FHIT: variants seen among roughly 807,000 people sequenced by gnomAD.
FHIT encodes the protein bis(5'-adenosyl)-triphosphatase.
Under a neutral mutation model 17.9 loss-of-function variants are expected in FHIT, and 19 were observed. The observed-to-expected ratio is 1.06, with a 90% confidence interval of 0.74 to 1.56. FHIT has a LOEUF of 1.56. FHIT is among the 40% of genes most tolerant of loss of function. The probability of loss-of-function intolerance (pLI) is 0.00; values close to 1 mark genes in which losing one functional copy is unlikely to be tolerated. For missense variants in FHIT, 248 were observed against 189.2 expected, an observed-to-expected ratio of 1.31 and a Z score of -1.82; for synonymous variants, 81 against 69.7, an observed-to-expected ratio of 1.16 and a Z score of -0.81.
intron 5 of FHIT, among the ~76,000 whole-genome samples, chr3:60,407,451 T>C (rs1701907830): frequency 6.6e-6 from 1 of 152,194 alleles, no homozygotes; most frequent in Non-Finnish European, 1.5e-5. Context: ...ATGTAACTTC[T>C]GAGTTAAGAA....
At chr3:60,131,459 T>C (rs979666626) in intron 5 of FHIT, among the ~76,000 whole-genome samples, 1 of 152,066 alleles carries the variant, frequency 6.6e-6, no homozygotes, top group African/African-American at 2.4e-5. Context: ...ATTCATATAA[T>C]CTCACACTTT....
intron 4 of FHIT, among the ~76,000 whole-genome samples, chr3:60,544,053 C>T (rs113732931): frequency 0.013 from 2,004 of 151,476 alleles, 42 homozygotes; most frequent in African/African-American, 0.046. Flanking sequence ...CCACCGCGCC[C>T]GGACTTCTCT....
chr3:60,664,177 T>G (rs1417699292), intron 4 of FHIT, among the ~76,000 whole-genome samples: 4 of 152,178 alleles, frequency 2.6e-5, no homozygotes, highest in African/African-American at 9.6e-5. Context: ...TCAGACGCCT[T>G]TTTATATGAT....
chr3:59,958,091 G>T (rs1707491558), intron 7 of FHIT, among the ~76,000 whole-genome samples: 1 of 152,194 alleles, frequency 6.6e-6, no homozygotes, highest in African/African-American at 2.4e-5. Context: ...AGCATAGGTA[G>T]CCATATTATC....
chr3:60,421,651 T>C (rs1054306518), intron 5 of FHIT, among the ~76,000 whole-genome samples: 3 of 152,174 alleles, frequency 2.0e-5, no homozygotes, highest in African/African-American at 7.2e-5. Context: ...AAAGCATTAT[T>C]ATAATAAAAT....
rs574753728 is a variant in FHIT, at chr3:60,131,191, T to C, written c.104-117039A>G. On this transcript the variant is annotated intron_variant, in intron 5 of 9. Coordinates refer to ENST00000492590, the MANE Select transcript of FHIT (RefSeq NM_002012.4). Reference sequence around the variant, plus strand: ...GCTCAATTCCCTGATATGAATGGTATAGTATTTGCATATAACCTTCCCACC... The same window carrying C: ...GCTCAATTCCCTGATATGAATGGTACAGTATTTGCATATAACCTTCCCACC... 1.9e-3 allele frequency among the ~76,000 whole-genome samples: 295 copies of C among 151,644 alleles called. 1 individual carries two copies. The highest frequency in any genetic ancestry group is 3.4e-3 in the Non-Finnish European group (233 of 67,896).
intron 5 of FHIT, among the ~76,000 whole-genome samples, chr3:60,487,502 C>T (rs1378316438): frequency 2.0e-5 from 3 of 152,154 alleles, no homozygotes; most frequent in Non-Finnish European, 4.4e-5. Context: ...GGCTCATCTC[C>T]GAAGTCACAT....
At chr3:60,040,131 CCTT>C (rs1247345074) in intron 5 of FHIT, among the ~76,000 whole-genome samples, 2 of 149,364 alleles carry the variant, frequency 1.3e-5, no homozygotes, top group East Asian at 2.0e-4. Context: ...TGAATAATTT[CCTT>C]CTTTCTTTTT....
intron 3 of FHIT, among the ~76,000 whole-genome samples, chr3:61,016,196 G>A (rs952543807): frequency 2.6e-5 from 4 of 152,154 alleles, no homozygotes; most frequent in African/African-American, 4.8e-5. Flanking sequence ...CATATTTTAC[G>A]TAATGAGCAG....
intron 3 of FHIT, among the ~76,000 whole-genome samples, chr3:60,922,198 C>G (rs1707321557): frequency 6.6e-6 from 1 of 152,146 alleles, no homozygotes; most frequent in Non-Finnish European, 1.5e-5. Context: ...GGGGATGCAG[C>G]AAAGTTTTGT....
chr3:60,928,179 A>G (rs570856247), intron 3 of FHIT, among the ~76,000 whole-genome samples: 1 of 152,238 alleles, frequency 6.6e-6, no homozygotes, highest in Non-Finnish European at 1.5e-5. Flanking sequence ...GCAGAAGGCC[A>G]CAGGGTCCTC....
rs181513161 is a variant in FHIT at position 60,006,636 on chromosome 3, A to T, written c.279+4735T>A. ...TTTCTCCACTATCATTCAATATAAT[A>T]GATAGGGTTTCCGCATTCAAAAAAA... On this transcript the variant is annotated intron_variant, in intron 7 of 9. Coordinates refer to ENST00000492590, the MANE Select transcript of FHIT (RefSeq NM_002012.4). Among the ~76,000 whole-genome samples, 5 of 151,356 alleles carry T rather than the reference A, an allele frequency of 3.3e-5. No individual in the cohort carries two copies. In the East Asian group the frequency reaches 9.7e-4, roughly 29 times the overall value.
In FHIT at chr3:60,536,943, T is replaced by C. The variant is rs2036005779; in HGVS notation, c.20A>G (p.Gln7Arg). The change falls in exon 5 of 10, where the codon CAA (glutamine) becomes CGA (arginine). Residue 7 changes from glutamine (Q) to arginine (R), a missense_variant. Gln to Arg is a conservative substitution (Grantham distance 43, BLOSUM62 1). Transcript: ENST00000492590. MSFRFG[Q>R]HLIKPSVVFL... ...CACTACAGAGGGCTTGATGAGATGT[T>C]GGCCAAATCTGAACGACATGTCCTC... The C allele has an allele frequency of 6.2e-7, 1 of 1,612,206 alleles. No individual in the cohort carries two copies. Among genetic ancestry groups the C allele is most frequent in the African/African-American group, 1.3e-5 (1 of 74,844 alleles).
At chr3:59,938,723 C>T (rs1377127142) in intron 7 of FHIT, among the ~76,000 whole-genome samples, 1 of 152,132 alleles carries the variant, frequency 6.6e-6, no homozygotes, top group Non-Finnish European at 1.5e-5. Flanking sequence ...CGAAAAAGCA[C>T]ATTCCCTTCA....
chr3:60,900,561 T>C (rs2107221121), intron 3 of FHIT, among the ~76,000 whole-genome samples: 1 of 152,250 alleles, frequency 6.6e-6, no homozygotes, highest in Non-Finnish European at 1.5e-5. Flanking sequence ...ATTAATGCCC[T>C]GCCAACCATA....
intron 5 of FHIT, among the ~76,000 whole-genome samples, chr3:60,530,698 A>G (rs1165004563): frequency 2.6e-5 from 4 of 152,176 alleles, no homozygotes; most frequent in African/African-American, 9.6e-5. Flanking sequence ...TGTTTTCTGC[A>G]TTGTAATTCT....
At chr3:60,526,541 G>C (rs2035582279) in intron 5 of FHIT, among the ~76,000 whole-genome samples, 1 of 152,126 alleles carries the variant, frequency 6.6e-6, no homozygotes, top group Admixed American at 6.5e-5. Context: ...AAATAGTGTA[G>C]AAAAGTTGTT....
chr3:60,582,755 C>T (rs1417992374), intron 4 of FHIT, among the ~76,000 whole-genome samples: 1 of 152,048 alleles, frequency 6.6e-6, no homozygotes, highest in African/African-American at 2.4e-5. Flanking sequence ...CTGGGGTGTA[C>T]AAACATAACA....
chr3:60,763,222 C>T (rs186189178), intron 4 of FHIT, among the ~76,000 whole-genome samples: 5 of 152,096 alleles, frequency 3.3e-5, no homozygotes, highest in African/African-American at 9.7e-5. Context: ...AAAGCCCAAT[C>T]GAAATGATAG....
Sources: gnomAD v4.1 joint callset for allele counts (sites outside exome capture counted in the v4.1 genomes callset) on GRCh38, gnomAD v4.1.1 for gene constraint, MANE v1.5 for transcripts, NCBI Gene and HGNC (gene_info 2026-07-23, HGNC 2026-07-21) for gene names.